Variants in HTR1D observed in about 807,000 individuals in gnomAD.
HTR1D encodes the protein 5-hydroxytryptamine receptor 1D.
In HTR1D, 18 loss-of-function variants were observed where a neutral mutation model predicts 21.1. That is an observed-to-expected ratio of 0.85 (90% CI 0.59 to 1.27). The LOEUF is 1.27. Ranked by LOEUF, HTR1D falls within the 50% of genes most tolerant of loss-of-function variation. HTR1D has a pLI of 0.00. For missense variants in HTR1D, 456 were observed against 481.4 expected (o/e 0.95, Z 0.49); for synonymous variants, 196 against 204.4 (o/e 0.96, Z 0.35).
At chr1:23,216,901 A>G (rs1056337711) in intron 1 of HTR1D, among the ~76,000 whole-genome samples, 79 of 151,788 alleles carry the variant, frequency 5.2e-4, no homozygotes, top group Non-Finnish European at 1.1e-3. Flanking sequence ...GCCGCGCCCG[A>G]ACCTGGCCAG....
chr1:23,202,779 C>T (rs906532165), intron 1 of HTR1D, among the ~76,000 whole-genome samples: 6 of 152,188 alleles, frequency 3.9e-5, no homozygotes, highest in African/African-American at 7.2e-5. Flanking sequence ...GGTGTTATTT[C>T]ATCTCATTCT....
intron 1 of HTR1D, among the ~76,000 whole-genome samples, chr1:23,216,442 T>G (rs1432742614): frequency 1.4e-5 from 2 of 145,208 alleles, no homozygotes; most frequent in African/African-American, 5.2e-5. Context: ...ACACAGCTAG[T>G]AGGTGGCCAA....
intron 1 of HTR1D, among the ~76,000 whole-genome samples, chr1:23,201,983 C>T (rs1396966526): frequency 2.0e-5 from 3 of 152,180 alleles, no homozygotes; most frequent in Non-Finnish European, 4.4e-5. Flanking sequence ...AATTGTGATG[C>T]GGCTTCAATG....
chr1:23,196,026 A>C (rs988662638), intron 1 of HTR1D, among the ~76,000 whole-genome samples: 1 of 151,766 alleles, frequency 6.6e-6, no homozygotes, highest in Admixed American at 6.6e-5. Context: ...GTTTTCACAG[A>C]GGCAGGGTCT....
At chr1:23,196,558 A>G (rs139951481) in intron 1 of HTR1D, among the ~76,000 whole-genome samples, 1 of 152,262 alleles carries the variant, frequency 6.6e-6, no homozygotes, top group East Asian at 1.9e-4. Flanking sequence ...GAGAGGGGAA[A>G]GCCTCAGTTT....
chr1:23,204,212 G>A (rs951209740), intron 1 of HTR1D, among the ~76,000 whole-genome samples: 11 of 150,942 alleles, frequency 7.3e-5, no homozygotes, highest in South Asian at 2.2e-4. Flanking sequence ...TGCAAGCTCC[G>A]CCTCCCAGGT....
At chr1:23,200,653 C>A (rs1644705952) in intron 1 of HTR1D, among the ~76,000 whole-genome samples, 1 of 152,134 alleles carries the variant, frequency 6.6e-6, no homozygotes, top group Non-Finnish European at 1.5e-5. Context: ...GGATTATAGA[C>A]CTGAGCCACC....
In HTR1D at chr1:23,193,336, C is replaced by A; in HGVS notation, c.884G>T (p.Arg295Leu). ...CAGGATTTTAGTGGCTTTCCTTTCT[C>A]GAGCAGCAGAAATCCTCTTGCGTTC... is the stretch of plus-strand genomic sequence containing the variant. Reference protein sequence around the residue: ...ALERKRISAARERKATKILGI... With the variant: ...ALERKRISAALERKATKILGI... Residue 295 changes from arginine (R) to leucine (L), a missense_variant, in exon 2 of 2, where the codon CGA becomes CTA. Physicochemically the swap from Arg to Leu is moderately radical, Grantham distance 102. Transcript: ENST00000374619. The A allele has an allele frequency of 5.0e-6, 8 of 1,614,132 alleles. No individual in the cohort carries two copies. Among genetic ancestry groups the A allele is most frequent in the Non-Finnish European group, 6.8e-6 (8 of 1,180,030 alleles).
At position 23,204,283 on chromosome 1, in the gene HTR1D, G is replaced by A. The variant is rs4655150; in HGVS notation, c.-782-9282C>T. 5.3e-3 allele frequency among the ~76,000 whole-genome samples: 811 copies of A among 152,182 alleles called. 36 individuals are homozygous for A. The highest frequency in any genetic ancestry group is 0.046 in the Admixed American group (700 of 15,280). On this transcript the variant is annotated intron_variant, in intron 1 of 1. Transcript: ENST00000374619. ...TGGGACTACAGGCACTGGCCACCAC[G>A]CCTGGATAATTTTTGTATTTTTTAG...
chr1:23,193,715 T>C lies in HTR1D; in HGVS notation c.505A>G (p.Ile169Val), dbSNP rs769728658. Residue 169 changes from isoleucine to valine, a missense_variant, in exon 2 of 2, where the codon ATC becomes GTC. Ile to Val is a conservative substitution (Grantham distance 29). Coordinates refer to ENST00000374619, the MANE Select transcript of HTR1D (RefSeq NM_000864.5). Reference protein sequence around the residue: ...IAIVWAISICISIPPLFWRQA... With the variant: ...IAIVWAISICVSIPPLFWRQA... Reference sequence around the variant, plus strand: ...CGCCAGAAGAGCGGGGGGATGGAGATGCAGATGGAGATGGCCCAGACAATG... The same window carrying C: ...CGCCAGAAGAGCGGGGGGATGGAGACGCAGATGGAGATGGCCCAGACAATG... 2 of 1,613,912 alleles carry C rather than the reference T, an allele frequency of 1.2e-6. No individual in the cohort carries two copies. Among genetic ancestry groups the C allele is most frequent in the Admixed American group, 3.3e-5 (2 of 60,000 alleles).
At chr1:23,213,072 T>C (rs1644760146) in intron 1 of HTR1D, among the ~76,000 whole-genome samples, 1 of 150,162 alleles carries the variant, frequency 6.7e-6, no homozygotes, top group South Asian at 2.2e-4. Flanking sequence ...GTAATCCACC[T>C]GCCTCAGCTT....
At chr1:23,196,982 T>C (rs1644691231) in intron 1 of HTR1D, among the ~76,000 whole-genome samples, 1 of 151,870 alleles carries the variant, frequency 6.6e-6, no homozygotes, top group Non-Finnish European at 1.5e-5. Context: ...ATATGGAAAA[T>C]GTGAACTCTG....
At chr1:23,201,682 G>A (rs966603488) in intron 1 of HTR1D, among the ~76,000 whole-genome samples, 1 of 152,102 alleles carries the variant, frequency 6.6e-6, no homozygotes, top group Non-Finnish European at 1.5e-5. Context: ...CCTCCAAGTA[G>A]CTGGGACTAC....
chr1:23,210,547 C>T (rs769567792), intron 1 of HTR1D, among the ~76,000 whole-genome samples: 1 of 152,112 alleles, frequency 6.6e-6, no homozygotes, highest in Non-Finnish European at 1.5e-5. Context: ...AGGAATTGGG[C>T]TCAGAGAGGG....
intron 1 of HTR1D, among the ~76,000 whole-genome samples, chr1:23,208,997 CT>C (rs202088436): frequency 0.063 from 8,434 of 133,604 alleles, 510 homozygotes; most frequent in African/African-American, 0.21. Context: ...AAAATTTTCA[CT>C]TTTTTTTTTT....
rs768488904 is a variant in HTR1D, at chr1:23,193,238, G to T, written c.982C>A (p.Arg328=). 1 of 1,614,130 alleles carries T rather than the reference G, an allele frequency of 6.2e-7. No homozygotes were observed. Among genetic ancestry groups the T allele is most frequent in the Admixed American group, 1.7e-5 (1 of 60,008 alleles). The change falls in exon 2 of 2, where the codon CGG becomes AGG. Residue 328 remains arginine (R), a synonymous_variant. Coordinates refer to ENST00000374619, the MANE Select transcript of HTR1D (RefSeq NM_000864.5). ...GCCGGGTGGATCCAGCAGGAGTCCC[G>T]GCAGATGGGGAGGACCAGAGACACC... is the stretch of plus-strand genomic sequence containing the variant. ...FVVSLVLPIC[R]DSCWIHPALF... is the part of the protein sequence containing the mutation.
chr1:23,215,375 C>T, intron 1 of HTR1D, among the ~76,000 whole-genome samples: 1 of 148,098 alleles, frequency 6.8e-6, no homozygotes, highest in East Asian at 2.0e-4. Context: ...CATGATCACA[C>T]CACTACACTC....
chr1:23,216,766 A>G (rs184012076), intron 1 of HTR1D, among the ~76,000 whole-genome samples: 81 of 152,310 alleles, frequency 5.3e-4, no homozygotes, highest in African/African-American at 1.8e-3. Context: ...GTGCAAACTG[A>G]GGCTTGGAGA....
chr1:23,193,122 A>C lies in HTR1D; in HGVS notation c.1098T>G (p.Ala366=). 1 of 1,611,210 alleles carries C rather than the reference A, an allele frequency of 6.2e-7. No homozygotes were observed. The highest frequency in any genetic ancestry group is 8.5e-7 in the Non-Finnish European group (1 of 1,178,912). ...TCCGGAAAGGGACAATTTTCTGAAA[A>C]GCTTGCCGAAACTCTTCATTAAACA... ...YTVFNEEFRQ[A]FQKIVPFRKA... The change falls in exon 2 of 2, where the codon GCT becomes GCG. Residue 366 remains alanine (A), a synonymous_variant. Coordinates refer to ENST00000374619, the MANE Select transcript of HTR1D (RefSeq NM_000864.5).
Sources: allele counts gnomAD v4.1 joint callset (sites outside exome capture counted in the v4.1 genomes callset), GRCh38; gene constraint gnomAD v4.1.1; transcripts MANE v1.5; gene names NCBI Gene and HGNC (gene_info 2026-07-23, HGNC 2026-07-21).